Variants in ATAD3B observed in about 807,000 individuals in gnomAD.
ATAD3B encodes ATPase family AAA domain-containing protein 3B.
ATAD3B carries 59 observed loss-of-function variants against 70.2 expected under a neutral mutation model. The observed-to-expected ratio is 0.84, with a 90% CI of 0.68 to 1.04. The LOEUF (loss-of-function observed/expected upper bound fraction) is 1.04. ATAD3B is among the 50% of genes least tolerant of loss of function. The probability of loss-of-function intolerance (pLI) is 0.00; values close to 1 mark genes in which losing one functional copy is unlikely to be tolerated. For missense variants in ATAD3B, 961 were observed against 913.4 expected (o/e 1.05, Z -0.67); for synonymous variants, 423 against 388.6 (o/e 1.09, Z -1.04).
chr1:1,501,385 G>A (rs565571530), downstream of ATAD3B, among the ~76,000 whole-genome samples: 160 of 152,214 alleles, frequency 1.1e-3, 1 homozygote, highest in Non-Finnish European at 1.8e-3. Flanking sequence ...CTCCTGAGTA[G>A]CTGGGACTAC....
chr1:1,475,753 C>A (rs914975556), intron 1 of ATAD3B, among the ~76,000 whole-genome samples: 1 of 151,862 alleles, frequency 6.6e-6, no homozygotes, highest in Admixed American at 6.6e-5. Flanking sequence ...GGCACAGGGT[C>A]ACACCAAAGT....
intron 7 of ATAD3B, chr1:1,483,832 C>T (rs1451068008): frequency 6.6e-6 from 1 of 152,194 alleles, no homozygotes; most frequent in Non-Finnish European, 1.5e-5. Flanking sequence ...TTAAGCAGCT[C>T]CTTCATGTCC....
chr1:1,491,403 T>C (rs1640532411), intron 15 of ATAD3B, among the ~76,000 whole-genome samples: 1 of 151,960 alleles, frequency 6.6e-6, no homozygotes, highest in Admixed American at 6.6e-5. Context: ...TGGTGGTGCA[T>C]GCCTGTTATC....
intron 15 of ATAD3B, among the ~76,000 whole-genome samples, chr1:1,492,955 AAAG>A (rs1236441302): frequency 2.1e-5 from 3 of 144,714 alleles, no homozygotes; most frequent in Non-Finnish European, 4.5e-5. Context: ...AAAAAAAAAG[AAAG>A]AAATTAACCT....
chr1:1,483,066 G>A (rs1379586930), intron 7 of ATAD3B: 4 of 454,988 alleles, frequency 8.8e-6, no homozygotes, highest in East Asian at 6.9e-5. Flanking sequence ...AGGCGGAGGT[G>A]GGCGGATCAC....
chr1:1,488,382 C>T (rs574995369), intron 12 of ATAD3B, among the ~76,000 whole-genome samples: 9 of 152,122 alleles, frequency 5.9e-5, no homozygotes, highest in South Asian at 4.2e-4. Context: ...CACACTAACA[C>T]GCCCGGCTAA....
intron 15 of ATAD3B, among the ~76,000 whole-genome samples, chr1:1,494,840 C>A (rs1640703518): frequency 6.6e-6 from 1 of 152,024 alleles, no homozygotes; most frequent in South Asian, 2.1e-4. Context: ...CACACCCTCA[C>A]CCTGACCCAT....
chr1:1,491,278 G>C (rs1191489097), intron 15 of ATAD3B, among the ~76,000 whole-genome samples: 1 of 152,018 alleles, frequency 6.6e-6, no homozygotes, highest in East Asian at 1.9e-4. Flanking sequence ...GCTCACGCCT[G>C]CAATCCCAGC....
chr1:1,488,255 C>T (rs1640342795), intron 12 of ATAD3B, among the ~76,000 whole-genome samples: 2 of 151,930 alleles, frequency 1.3e-5, no homozygotes, highest in African/African-American at 2.4e-5. Flanking sequence ...CACGCCCAGC[C>T]ATACAGTTAT....
chr1:1,478,292 C>T lies in ATAD3B; in HGVS notation c.283-352C>T, dbSNP rs1009590813. ...GATTATAGGCAAGAGCGATGGCGCC[C>T]GGCCCACTCAGCAGGATTCCTAGAA... On this transcript the variant is annotated intron_variant, in intron 2 of 15. Transcript: ENST00000673477. 8.5e-5 allele frequency: 77 copies of T among 905,492 alleles called. 1 individual carries two copies. Among genetic ancestry groups the T allele is most frequent in the South Asian group, 7.2e-5 (4 of 55,310 alleles). The allele number at this position is 905,492 out of a possible 1,614,324, so 56.1% of individuals were successfully genotyped here. A position where few individuals can be genotyped will look rare whatever the true frequency, so the allele number is the denominator to read the frequency against.
At position 1,496,106 on chromosome 1, in the gene ATAD3B, C is replaced by G. The variant is rs576269564; in HGVS notation, c.*289C>G. On this transcript the variant is annotated 3_prime_UTR_variant, in exon 16 of 16. Coordinates refer to ENST00000673477, the MANE Select transcript of ATAD3B (RefSeq NM_031921.6). ...AGCCATGGCCAGGGGCCACGGAACC[C>G]GGCAGGGGTGTCTGAGGCCGCCCTG... 4.5e-5 allele frequency: 53 copies of G among 1,173,360 alleles called. No individual in the cohort carries two copies. The highest frequency in any genetic ancestry group is 5.2e-5 in the Non-Finnish European group (49 of 947,174). 72.7% of individuals were successfully genotyped at this position (1,173,360 alleles called of 1,614,324 possible). A position where few individuals can be genotyped will look rare whatever the true frequency, so the allele number is the denominator to read the frequency against.
At chr1:1,495,162 G>C (rs879535968) in intron 15 of ATAD3B, among the ~76,000 whole-genome samples, 6 of 151,974 alleles carry the variant, frequency 3.9e-5, no homozygotes, top group Non-Finnish European at 7.4e-5. Context: ...GCTGAGACTC[G>C]CAGAGGGTCT....
chr1:1,491,992 C>T (rs1425698971), intron 15 of ATAD3B, among the ~76,000 whole-genome samples: 1 of 151,860 alleles, frequency 6.6e-6, no homozygotes, highest in East Asian at 1.9e-4. Flanking sequence ...TCAGGACCAG[C>T]CTGGAAAGCA....
At chr1:1,507,768 T>A in the ATAD3B span, among the ~76,000 whole-genome samples, 1 of 152,222 alleles carries the variant, frequency 6.6e-6, no homozygotes, top group Non-Finnish European at 1.5e-5. Context: ...TTCTTAATGT[T>A]TTGTGAATTC....
chr1:1,509,377 G>T, the ATAD3B span: 2 of 1,604,874 alleles, frequency 1.2e-6, no homozygotes, highest in Non-Finnish European at 1.7e-6. Flanking sequence ...ACACCTCACG[G>T]AGCCTGGCCG....
the ATAD3B span, among the ~76,000 whole-genome samples, chr1:1,508,731 G>C: frequency 6.6e-6 from 1 of 150,966 alleles, no homozygotes; most frequent in Non-Finnish European, 1.5e-5. Flanking sequence ...AGGAGGACAG[G>C]AAGGTGGGGC....
rs1054718562 is a variant in ATAD3B at position 1,496,352 on chromosome 1, G to A, written c.*535G>A. 1.1e-4 allele frequency: 79 copies of A among 700,142 alleles called. No individual in the cohort carries two copies. Among genetic ancestry groups the A allele is most frequent in the Middle Eastern group, 7.2e-4 (1 of 1,388 alleles). 43.4% of individuals were successfully genotyped at this position (700,142 alleles called of 1,614,324 possible). ...GCGGTGTGCTTCACATCAGCCTCGCGCCACATCCGAGTTGGGGTCTGAATG... is the reference window on the plus strand; with the variant it reads ...GCGGTGTGCTTCACATCAGCCTCGCACCACATCCGAGTTGGGGTCTGAATG... On this transcript the variant is annotated 3_prime_UTR_variant, in exon 16 of 16. Transcript: ENST00000673477.
intron 1 of ATAD3B, among the ~76,000 whole-genome samples, chr1:1,473,129 G>A (rs1362948816): frequency 7.4e-6 from 1 of 135,708 alleles, no homozygotes; most frequent in East Asian, 2.5e-4. Context: ...AGACAGAAGG[G>A]ATTCCTTTTT....
chr1:1,502,091 C>T (rs1302628972), downstream of ATAD3B, among the ~76,000 whole-genome samples: 1 of 151,962 alleles, frequency 6.6e-6, no homozygotes, highest in African/African-American at 2.4e-5. Flanking sequence ...GTTGGCCAGG[C>T]TGGTCTTGAA....
Sources: gnomAD v4.1 joint callset for allele counts (sites outside exome capture counted in the v4.1 genomes callset) on GRCh38, gnomAD v4.1.1 for gene constraint, MANE v1.5 for transcripts, NCBI Gene and HGNC (gene_info 2026-07-23, HGNC 2026-07-21) for gene names.